FBN2: variants seen among roughly 807,000 people sequenced by gnomAD.
The protein encoded by FBN2 is fibrillin 2.
A neutral mutation model predicts 355.6 loss-of-function variants in FBN2; 105 were observed. The ratio of observed to expected loss-of-function variants is 0.30; its 90% CI spans 0.25 to 0.35. The LOEUF is 0.35. Ranked by LOEUF, FBN2 falls within the 10% of genes least tolerant of loss-of-function variation. The pLI, the probability that FBN2 is intolerant of heterozygous loss-of-function variation, is 1.00. For missense variants in FBN2, 3,280 were observed against 3,758.7 expected (o/e 0.87, Z 3.33); for synonymous variants, 1,350 against 1,301.2 (o/e 1.04, Z -0.81).
intron 61 of FBN2, among the ~76,000 whole-genome samples, 199 bp downstream of exon 61, chr5:128,273,641 T>A (rs1284229055): frequency 3.3e-5 from 5 of 152,210 alleles, no homozygotes; most frequent in Non-Finnish European, 7.3e-5. Context: ...AATCACAGAA[T>A]TTTTGTTTCA....
chr5:128,466,772 C>T (rs1028643262), intron 5 of FBN2, among the ~76,000 whole-genome samples: 3 of 152,114 alleles, frequency 2.0e-5, no homozygotes, highest in Non-Finnish European at 2.9e-5. Flanking sequence ...CTGCAAGTCT[C>T]GTTTTTGAAA....
At chr5:128,430,922 T>C (rs1010285625) in intron 7 of FBN2, among the ~76,000 whole-genome samples, 8 of 152,156 alleles carry the variant, frequency 5.3e-5, no homozygotes, top group African/African-American at 1.4e-4. Flanking sequence ...TGCAATAGCA[T>C]GAACTTCTTT....
At chr5:128,298,665 C>A (rs1202324818) in intron 48 of FBN2, among the ~76,000 whole-genome samples, 1 of 152,180 alleles carries the variant, frequency 6.6e-6, no homozygotes, top group African/African-American at 2.4e-5. Context: ...ACGTAGTTCT[C>A]GAGCCTTGGT....
rs1014747040 is a variant in FBN2, at chr5:128,335,078, A to C, written c.3973+92T>G. ...TGATTTGAATTTTTAAAATAACAAC[A>C]GAAAAAGCCTTCCTTTTATCACGCT... On this transcript the variant is annotated intron_variant, in intron 30 of 64. Transcript: ENST00000262464. 1.9e-6 allele frequency: 3 copies of C among 1,557,866 alleles called. No individual in the cohort carries two copies. In the South Asian group the frequency reaches 3.4e-5, roughly 18 times the overall value.
At chr5:128,530,421 T>G (rs1264321841) in intron 3 of FBN2, among the ~76,000 whole-genome samples, 174 bp downstream of exon 3, 3 of 152,232 alleles carry the variant, frequency 2.0e-5, no homozygotes, top group Non-Finnish European at 4.4e-5. Flanking sequence ...TTAAATTATG[T>G]GTGCTTTACT....
rs1318359383 is a variant in FBN2, at chr5:128,537,695, T to C, written c.-92A>G. The C allele has an allele frequency of 2.3e-6, 3 of 1,313,904 alleles. No individual in the cohort carries two copies. Among genetic ancestry groups the C allele is most frequent in the Non-Finnish European group, 3.2e-6 (3 of 939,372 alleles). The allele number at this position is 1,313,904 out of a possible 1,614,324, so 81.4% of individuals were successfully genotyped here. A position where few individuals can be genotyped will look rare whatever the true frequency, so the allele number is the denominator to read the frequency against. The stretch of plus-strand genomic sequence containing the variant: ...GCCTCAGAAAAGAGTCAGGGTCTAA[T>C]AAGCCCTTCGTCGGCTCCGGGGACT... On this transcript the variant is annotated 5_prime_UTR_variant, in exon 1 of 65. Transcript: ENST00000262464.
chr5:128,388,304 C>T (rs183177811), intron 11 of FBN2, among the ~76,000 whole-genome samples: 1 of 152,272 alleles, frequency 6.6e-6, no homozygotes. Context: ...TCTTGCCACC[C>T]TGTGCCTTTT....
intron 7 of FBN2, among the ~76,000 whole-genome samples, chr5:128,437,527 G>C (rs550987244): frequency 6.6e-6 from 1 of 152,030 alleles, no homozygotes. Context: ...TTATATGGGG[G>C]CCTCATAACC....
At chr5:128,376,645 A>C (rs1479324294) in intron 14 of FBN2, 86 bp downstream of exon 14, 11 of 1,465,478 alleles carry the variant, frequency 7.5e-6, no homozygotes, top group Non-Finnish European at 9.5e-6. Context: ...CCACATGGGG[A>C]AGCTGAAGTA....
intron 8 of FBN2, among the ~76,000 whole-genome samples, chr5:128,396,712 A>T (rs1338017063): frequency 6.6e-6 from 1 of 152,270 alleles, no homozygotes; most frequent in Admixed American, 6.5e-5. Context: ...TTTATGGGTT[A>T]TAACTGAAAC....
intron 59 of FBN2, among the ~76,000 whole-genome samples, chr5:128,274,889 G>C (rs1006853618): frequency 6.6e-6 from 1 of 152,158 alleles, no homozygotes; most frequent in Non-Finnish European, 1.5e-5. Flanking sequence ...TAGGATGATA[G>C]GACAATTAAG....
At chr5:128,490,875 A>T (rs1331868791) in intron 5 of FBN2, among the ~76,000 whole-genome samples, 2 of 152,210 alleles carry the variant, frequency 1.3e-5, no homozygotes, top group Non-Finnish European at 2.9e-5. Context: ...TATGAGAAAC[A>T]AAGAGGTTAC....
At position 128,297,310 on chromosome 5, in the gene FBN2, T is replaced by G. The variant is rs528277772; in HGVS notation, c.6166+3507A>C. On this transcript the variant is annotated intron_variant, in intron 48 of 64. Coordinates refer to ENST00000262464, the MANE Select transcript of FBN2 (RefSeq NM_001999.4). Reference sequence around the variant, plus strand: ...GTGTGGTGCTGAAAAAAATGTGTATTCTGTTGATTTGGGGTGGAGAGTTCT... The same window carrying G: ...GTGTGGTGCTGAAAAAAATGTGTATGCTGTTGATTTGGGGTGGAGAGTTCT... 2.5e-3 allele frequency among the ~76,000 whole-genome samples: 383 copies of G among 152,302 alleles called. 1 individual carries two copies. The highest frequency in any genetic ancestry group is 4.5e-3 in the Non-Finnish European group (305 of 68,020).
At chr5:128,409,742 C>T (rs1023537085) in intron 7 of FBN2, among the ~76,000 whole-genome samples, 1 of 152,082 alleles carries the variant, frequency 6.6e-6, no homozygotes, top group African/African-American at 2.4e-5. Context: ...AAAAGCCATA[C>T]ATACAGATAA....
At chr5:128,536,763 T>A (rs1756858286) in intron 1 of FBN2, among the ~76,000 whole-genome samples, 2 of 152,162 alleles carry the variant, frequency 1.3e-5, no homozygotes, top group African/African-American at 2.4e-5. Flanking sequence ...TATAATTTGC[T>A]ACTATTCTAG....
intron 48 of FBN2, among the ~76,000 whole-genome samples, chr5:128,297,685 C>G (rs902302629): frequency 7.9e-5 from 12 of 152,034 alleles, no homozygotes; most frequent in African/African-American, 2.9e-4. Flanking sequence ...TTTCCATTTG[C>G]TCGGTAGATC....
rs1434148996 is a variant in FBN2 at position 128,259,232 on chromosome 5, T to TA, written c.*222dup. 1.8e-6 allele frequency: 1 copy of TA among 555,142 alleles called. No individual in the cohort carries two copies. The highest frequency in any genetic ancestry group is 3.2e-6 in the Non-Finnish European group (1 of 313,382). 34.4% of individuals were successfully genotyped at this position (555,142 alleles called of 1,614,324 possible). ...TAATATATTTTAAAATGAAGTTATA[T>TA]AAAAAATACAGTAACCACGGTTGCC... On this transcript the variant is annotated 3_prime_UTR_variant, in exon 65 of 65. Coordinates refer to ENST00000262464, the MANE Select transcript of FBN2 (RefSeq NM_001999.4).
chr5:128,530,350 G>C (rs1213901186), intron 3 of FBN2, among the ~76,000 whole-genome samples: 1 of 152,190 alleles, frequency 6.6e-6, no homozygotes. Flanking sequence ...TAGTGTTTGA[G>C]ACTATACACT....
intron 10 of FBN2, among the ~76,000 whole-genome samples, chr5:128,392,741 G>C (rs1329735316): frequency 6.6e-6 from 1 of 152,144 alleles, no homozygotes; most frequent in Non-Finnish European, 1.5e-5. Context: ...AATAATTCAA[G>C]GGGTGCATGA....
Sources: allele counts gnomAD v4.1 joint callset (sites outside exome capture counted in the v4.1 genomes callset), GRCh38; gene constraint gnomAD v4.1.1; transcripts MANE v1.5; gene names NCBI Gene and HGNC (gene_info 2026-07-23, HGNC 2026-07-21).